LOC114841035: variants seen among roughly 807,000 people sequenced by gnomAD.
chr11:64,243,271 ACAGGC>A, the LOC114841035 span: 1 of 1,611,826 alleles, frequency 6.2e-7, no homozygotes, highest in Non-Finnish European at 8.5e-7. Context: ...CTCCCTTGGC[ACAGGC>A]CAGGTCATCA....
the LOC114841035 span, chr11:64,242,587 G>T: frequency 6.6e-7 from 1 of 1,524,956 alleles, no homozygotes; most frequent in Non-Finnish European, 8.8e-7. Flanking sequence ...CCTTTTGGGA[G>T]TGGGTGGGGC....
At chr11:64,242,667 C>A in the LOC114841035 span, 1 of 1,191,592 alleles carries the variant, frequency 8.4e-7, no homozygotes, top group East Asian at 2.8e-5. Context: ...GGGCAAGTCC[C>A]CTCTCGCCTC....
the LOC114841035 span, chr11:64,243,490 C>T: frequency 5.0e-6 from 8 of 1,613,784 alleles, no homozygotes; most frequent in East Asian, 2.2e-5. Context: ...TGATCCCATC[C>T]GAGCTAGGTA....
chr11:64,243,498 G>GT, the LOC114841035 span: 2 of 1,613,576 alleles, frequency 1.2e-6, no homozygotes, highest in East Asian at 2.2e-5. Flanking sequence ...TCCGAGCTAG[G>GT]TAAGAGGCCC....
chr11:64,243,438 T>C, the LOC114841035 span: 2 of 1,613,984 alleles, frequency 1.2e-6, no homozygotes, highest in Non-Finnish European at 1.7e-6. Context: ...GCTGAGCATG[T>C]GTCTTCCTGC....
chr11:64,242,112 A>C, the LOC114841035 span: 1 of 392,152 alleles, frequency 2.6e-6, no homozygotes. Context: ...GAGGGAAGGT[A>C]TGGGGGTGAG....
At chr11:64,243,796 G>A in the LOC114841035 span, 5 of 1,612,310 alleles carry the variant, frequency 3.1e-6, no homozygotes, top group Admixed American at 3.3e-5. Context: ...CACACTGGAA[G>A]GGAGCTTGGC....
the LOC114841035 span, chr11:64,242,238 G>A: frequency 1.3e-6 from 1 of 758,012 alleles, no homozygotes; most frequent in South Asian, 2.4e-5. Flanking sequence ...GGAGCCCGGG[G>A]GAGAGGGCGG....
chr11:64,242,760 G>T, the LOC114841035 span, among the ~76,000 whole-genome samples: 1 of 151,980 alleles, frequency 6.6e-6, no homozygotes, highest in African/African-American at 2.4e-5. Flanking sequence ...ACTGTGAGCT[G>T]CCCAAGGCTC....
At chr11:64,243,785 C>T in the LOC114841035 span, 1 of 1,604,004 alleles carries the variant, frequency 6.2e-7, no homozygotes, top group Non-Finnish European at 8.5e-7. Context: ...CTCCCTTTGC[C>T]CACACTGGAA....
the LOC114841035 span, chr11:64,243,153 CA>C: frequency 5.1e-6 from 8 of 1,553,960 alleles, no homozygotes; most frequent in East Asian, 1.6e-4. Flanking sequence ...GAGGGGGTGT[CA>C]GGGGTGGTCC....
chr11:64,243,186 C>T, the LOC114841035 span: 1 of 1,612,916 alleles, frequency 6.2e-7, no homozygotes, highest in South Asian at 1.1e-5. Flanking sequence ...CTGGCCTTCT[C>T]ATGGTTCCAC....
At chr11:64,241,710 C>T in the LOC114841035 span, 2 of 151,908 alleles carry the variant, frequency 1.3e-5, no homozygotes, top group Non-Finnish European at 2.9e-5. Flanking sequence ...GGTGGCCGGG[C>T]TTGGGGACGC....
At chr11:64,243,144 AG>A in the LOC114841035 span, 125 of 1,488,248 alleles carry the variant, frequency 8.4e-5, no homozygotes, top group East Asian at 7.9e-4. Context: ...CAGCTGAGGG[AG>A]GGGGTGTCAG....
At chr11:64,243,611 C>A in the LOC114841035 span, 2 of 1,379,662 alleles carry the variant, frequency 1.4e-6, no homozygotes, top group Non-Finnish European at 2.0e-6. Flanking sequence ...ACAATACATG[C>A]CTCCTCCAAG....
chr11:64,243,111 G>T, the LOC114841035 span: 6 of 1,204,098 alleles, frequency 5.0e-6, no homozygotes, highest in African/African-American at 1.5e-5. Flanking sequence ...GGTGGGCGTG[G>T]GGGGGCAGCT....
chr11:64,243,615 C>T, the LOC114841035 span: 1 of 1,371,944 alleles, frequency 7.3e-7, no homozygotes, highest in Non-Finnish European at 1.0e-6. Flanking sequence ...TACATGCCTC[C>T]TCCAAGTTTG....
the LOC114841035 span, chr11:64,242,408 G>A: frequency 6.5e-7 from 1 of 1,548,180 alleles, no homozygotes; most frequent in African/African-American, 1.4e-5. Flanking sequence ...GCTGGTTCCG[G>A]GTCCTGACAG....
chr11:64,243,086 A>T, the LOC114841035 span: 1 of 905,128 alleles, frequency 1.1e-6, no homozygotes, highest in Non-Finnish European at 1.8e-6. Flanking sequence ...AAAAGGACTG[A>T]CCACCAGGGC....
Sources: allele counts gnomAD v4.1 joint callset (sites outside exome capture counted in the v4.1 genomes callset), GRCh38; gene constraint gnomAD v4.1.1; transcripts MANE v1.5.